Variants in ALS2CL observed in about 807,000 individuals in gnomAD.
ALS2CL encodes the protein ALS2 C-terminal-like protein.
ALS2CL carries 112 observed loss-of-function variants against 127.9 expected under a neutral mutation model. The ratio of observed to expected loss-of-function variants is 0.88; its 90% confidence interval spans 0.75 to 1.02. ALS2CL has a LOEUF of 1.02. ALS2CL is among the 50% of genes least tolerant of loss of function. The pLI is 0.00. For synonymous variants in ALS2CL, 519 were observed against 527.6 expected (o/e 0.98, Z 0.22); for missense variants, 1,174 against 1,236.7 (o/e 0.95, Z 0.76).
chr3:46,676,800 C>T, intron 17 of ALS2CL, 49 bp downstream of exon 17: 1 of 1,307,676 alleles, frequency 7.6e-7, no homozygotes, highest in Non-Finnish European at 1.1e-6. Flanking sequence ...CCCCAGGAAG[C>T]CCTCCCCAGC....
chr3:46,684,767 T>C (rs188197812), intron 7 of ALS2CL, among the ~76,000 whole-genome samples: 1 of 152,310 alleles, frequency 6.6e-6, no homozygotes, highest in East Asian at 1.9e-4. Context: ...AGCTCATCAG[T>C]GTACCTGGAG....
At chr3:46,673,245 G>A in intron 22 of ALS2CL, 94 bp downstream of exon 22, 3 of 1,077,936 alleles carry the variant, frequency 2.8e-6, no homozygotes, top group Non-Finnish European at 3.9e-6. Context: ...CAGCTCCTCT[G>A]CAGCCTCCGC....
At chr3:46,692,731 C>A (rs567373702) in intron 1 of ALS2CL, among the ~76,000 whole-genome samples, 3 of 152,230 alleles carry the variant, frequency 2.0e-5, no homozygotes, top group Non-Finnish European at 4.4e-5. Context: ...CCAGTCACGG[C>A]GTGCCCAGGT....
chr3:46,680,131 T>G (rs756399974), intron 14 of ALS2CL: 10 of 376,206 alleles, frequency 2.7e-5, no homozygotes, highest in Non-Finnish European at 5.0e-5. Context: ...ACTCTGTGAA[T>G]GTCAGCTAAT....
rs1699343496 is a variant in ALS2CL at position 46,681,518 on chromosome 3, C to T, written c.1256G>A (p.Cys419Tyr). 6.2e-7 allele frequency: 1 copy of T among 1,614,166 alleles called. No homozygotes were observed. Among genetic ancestry groups the T allele is most frequent in the Non-Finnish European group, 8.5e-7 (1 of 1,180,006 alleles). The change falls in exon 12 of 26, where the codon TGT becomes TAT. Residue 419 changes from cysteine (C) to tyrosine (Y), a missense_variant. Physicochemically the swap from Cys to Tyr is radical, Grantham distance 194. Coordinates refer to ENST00000318962, the MANE Select transcript of ALS2CL (RefSeq NM_147129.5). This position sits in a 1 kb window ranked among gnomAD's most constrained non-coding sequence, Gnocchi z 4.9. ...YKCHWREGSM[C>Y]GYGICEYSTD... ...CACTTACTCACAGATGCCGTAGCCACACATGCTGCCTTCTCGCCAGTGACA... is the reference window on the plus strand; with the variant it reads ...CACTTACTCACAGATGCCGTAGCCATACATGCTGCCTTCTCGCCAGTGACA...
chr3:46,672,065 C>A (rs903962159), intron 23 of ALS2CL, 32 bp from the exon 24 acceptor site: 18 of 1,613,966 alleles, frequency 1.1e-5, no homozygotes, highest in Non-Finnish European at 1.5e-5. Flanking sequence ...CAGGTCAAGG[C>A]CCTTGGTTCA....
intron 21 of ALS2CL, among the ~76,000 whole-genome samples, chr3:46,673,922 A>G (rs980980226): frequency 1.3e-5 from 2 of 152,206 alleles, no homozygotes; most frequent in Non-Finnish European, 2.9e-5. Context: ...GAGCAGAGAC[A>G]GTGCCCGTGC....
Position 46,686,193 on chromosome 3 carries a change from C to G in ALS2CL, c.666+115G>C. 1 of 1,399,378 alleles carries G rather than the reference C, an allele frequency of 7.1e-7. No homozygotes were observed. Among genetic ancestry groups the G allele is most frequent in the Non-Finnish European group, 9.5e-7 (1 of 1,055,788 alleles). The allele number at this position is 1,399,378 out of a possible 1,614,324, so 86.7% of individuals were successfully genotyped here. ...CCACCTGCTTCAGCCATCACTCCCC[C>G]TTCCATATAGGGAAACTGAGGCCCA... On this transcript the variant is annotated intron_variant, in intron 6 of 25. Transcript: ENST00000318962. The surrounding 1 kb of genome is among the most constrained non-coding windows in gnomAD (Gnocchi z 4.3).
At chr3:46,687,823 T>C in intron 3 of ALS2CL, 139 bp from the exon 4 acceptor site, 1 of 906,954 alleles carries the variant, frequency 1.1e-6, no homozygotes, top group Non-Finnish European at 1.7e-6. Flanking sequence ...CTCTGGGCAC[T>C]GGAGACCTCA....
chr3:46,683,373 CT>C (rs1388521316), intron 9 of ALS2CL, 47 bp from the exon 10 acceptor site: 2 of 1,536,180 alleles, frequency 1.3e-6, no homozygotes, highest in African/African-American at 2.7e-5. Flanking sequence ...CTGCTGGAGG[CT>C]TTCCCTCCAG....
At chr3:46,684,378 CT>C (rs1699610368) in intron 7 of ALS2CL, among the ~76,000 whole-genome samples, 1 of 148,390 alleles carries the variant, frequency 6.7e-6, no homozygotes, top group African/African-American at 2.5e-5. Flanking sequence ...TGAGACACTG[CT>C]GAGCCTAACA....
Position 46,686,455 on chromosome 3 carries a change from G to A in ALS2CL, c.535-16C>T. ...TTGGGTGATGCTGAAGGGGGACAGG[G>A]CAGCCAGTGAGAGGAGAGCTTACTG... On this transcript the variant is annotated splice_polypyrimidine_tract_variant and intron_variant, in intron 5 of 25. Coordinates refer to ENST00000318962, the MANE Select transcript of ALS2CL (RefSeq NM_147129.5). The surrounding 1 kb of genome is among the most constrained non-coding windows in gnomAD (Gnocchi z 4.3). 6.2e-7 allele frequency: 1 copy of A among 1,608,902 alleles called. No homozygotes were observed. The highest frequency in any genetic ancestry group is 8.5e-7 in the Non-Finnish European group (1 of 1,177,378).
chr3:46,680,341 CCCTCCCTGAAAGG>C (rs767015072), intron 14 of ALS2CL, 76 bp downstream of exon 14: 103 of 1,363,716 alleles, frequency 7.6e-5, no homozygotes, highest in Non-Finnish European at 1.0e-4. Flanking sequence ...CCTTTCCCAT[CCCTCCCTGAAAGG>C]CCTCAGCTCA....
rs1408828129 is a variant in ALS2CL, at chr3:46,683,251, C to T, written c.988G>A (p.Ala330Thr). Residue 330 changes from alanine to threonine, a missense_variant, in exon 10 of 26, where the codon GCT (alanine) becomes ACT (threonine). Coordinates refer to ENST00000318962, the MANE Select transcript of ALS2CL (RefSeq NM_147129.5). ...GGAGGCTGGGAGGGCTCCAGGCCAG[C>T]CCCCAGCACGGGGAAGTCCTTCTTC... ...HGKKDFPVLGAGLEPSQPPDC... is the reference protein window; with the variant it reads ...HGKKDFPVLGTGLEPSQPPDC... 14 of 1,610,406 alleles carry T rather than the reference C, an allele frequency of 8.7e-6. No individual in the cohort carries two copies. The highest frequency in any genetic ancestry group is 1.3e-5 in the African/African-American group (1 of 74,954).
At position 46,686,907 on chromosome 3, in the gene ALS2CL, G is replaced by A; in HGVS notation, c.534+76C>T. On this transcript the variant is annotated intron_variant, in intron 5 of 25. Coordinates refer to ENST00000318962, the MANE Select transcript of ALS2CL (RefSeq NM_147129.5). This position sits in a 1 kb window ranked among gnomAD's most constrained non-coding sequence, Gnocchi z 4.3. ...TCTTGTACTAGGGTTCCTGAGTATA[G>A]GCTGAGCCCCCTGAGTCTGGGCCCT... 2 of 1,426,724 alleles carry A rather than the reference G, an allele frequency of 1.4e-6. No individual in the cohort carries two copies. Among genetic ancestry groups the A allele is most frequent in the South Asian group, 3.0e-5 (2 of 67,498 alleles). 88.4% of individuals were successfully genotyped at this position (1,426,724 alleles called of 1,614,324 possible).
intron 20 of ALS2CL, 84 bp downstream of exon 20, chr3:46,675,534 C>G (rs1232487390): frequency 5.2e-6 from 7 of 1,336,888 alleles, no homozygotes; most frequent in Non-Finnish European, 7.4e-6. Flanking sequence ...CCAGAAGCAC[C>G]TCTTTCCCCA....
In ALS2CL at chr3:46,687,043, G is replaced by T; in HGVS notation, c.474C>A (p.Leu158=). Residue 158 remains leucine, a synonymous_variant, in exon 5 of 26, where the codon CTC becomes CTA. Transcript: ENST00000318962. ...ASLGQALHQP[L]AHHVQQYVLL... is the part of the protein sequence containing the mutation. ...GCACGTACTGTTGCACGTGATGGGC[G>T]AGTGGCTGGTGGAGGGCCTGGCCCA... 1 of 1,604,256 alleles carries T rather than the reference G, an allele frequency of 6.2e-7. No homozygotes were observed. Among genetic ancestry groups the T allele is most frequent in the Non-Finnish European group, 8.5e-7 (1 of 1,179,002 alleles).
Position 46,686,700 on chromosome 3 carries a change from C to A in ALS2CL, c.535-261G>T, listed in dbSNP as rs1243606280. Among the ~76,000 whole-genome samples the A allele has an allele frequency of 2.6e-5, 4 of 152,102 alleles. No individual in the cohort carries two copies. Among genetic ancestry groups the A allele is most frequent in the Admixed American group, 6.5e-5 (1 of 15,276 alleles). The stretch of plus-strand genomic sequence containing the variant: ...CTCTGCTGGCTCTACCAGGGCAGGG[C>A]CACGTGCCTCAGACACCGCAGGGAA... On this transcript the variant is annotated intron_variant, in intron 5 of 25. Transcript: ENST00000318962. This position sits in a 1 kb window ranked among gnomAD's most constrained non-coding sequence, Gnocchi z 4.3.
Position 46,688,263 on chromosome 3 carries a change from C to T in ALS2CL, c.137G>A (p.Cys46Tyr). ...GTGCAGCTGTTGCAAGAGCCGCAGG[C>T]ACTCTCTGCCCCAGGGATCCGAGGG... ...PDPSDPWGRE[C>Y]LRLLQQLHKS... The change falls in exon 3 of 26, where the codon TGC becomes TAC. Residue 46 changes from cysteine to tyrosine, a missense_variant. Transcript: ENST00000318962. 6.2e-7 allele frequency: 1 copy of T among 1,612,896 alleles called. No individual in the cohort carries two copies. The highest frequency in any genetic ancestry group is 1.1e-5 in the South Asian group (1 of 91,080).
Sources: allele counts gnomAD v4.1 joint callset (sites outside exome capture counted in the v4.1 genomes callset), GRCh38; gene constraint gnomAD v4.1.1; non-coding constraint Gnocchi (gnomAD v3.1); transcripts MANE v1.5; gene names NCBI Gene and HGNC (gene_info 2026-07-23, HGNC 2026-07-21).